Variants in CADPS observed in about 807,000 individuals in gnomAD.
The protein encoded by CADPS is calcium-dependent secretion activator 1.
Under a neutral mutation model 167.3 loss-of-function variants are expected in CADPS, and 57 were observed. That is an observed-to-expected ratio of 0.34 (90% CI 0.28 to 0.42). The LOEUF (loss-of-function observed/expected upper bound fraction) is 0.42, where lower values mean the gene tolerates loss of function less well. Ranked by LOEUF, CADPS falls within the 20% of genes least tolerant of loss-of-function variation. The pLI, the probability that CADPS is intolerant of heterozygous loss-of-function variation, is 1.00. For missense variants in CADPS, 1,414 were observed against 1,738.1 expected, an observed-to-expected ratio of 0.81 and a Z score of 3.32; for synonymous variants, 676 against 635.3, an observed-to-expected ratio of 1.06 and a Z score of -0.96.
At chr3:62,808,686 A>T (rs540221330) in intron 1 of CADPS, among the ~76,000 whole-genome samples, 43 of 151,894 alleles carry the variant, frequency 2.8e-4, no homozygotes, top group African/African-American at 8.2e-4. Context: ...TCCTTTCCTC[A>T]GTGTCCTTTC....
chr3:62,829,855 G>T (rs2074746667), intron 1 of CADPS, among the ~76,000 whole-genome samples: 2 of 152,310 alleles, frequency 1.3e-5, no homozygotes, highest in Non-Finnish European at 1.5e-5. Flanking sequence ...ATGGAGACAA[G>T]AGAAGTCAGA....
chr3:62,476,147 A>C (rs1159518627), intron 23 of CADPS, among the ~76,000 whole-genome samples: 1 of 152,180 alleles, frequency 6.6e-6, no homozygotes, highest in African/African-American at 2.4e-5. Flanking sequence ...TTGATGAATT[A>C]AATTTCTGGA....
At chr3:62,738,229 C>T (rs1384908441) in intron 3 of CADPS, among the ~76,000 whole-genome samples, 3 of 152,226 alleles carry the variant, frequency 2.0e-5, no homozygotes, top group Non-Finnish European at 4.4e-5. Flanking sequence ...AAAAGCAGTG[C>T]CTGCCCATTT....
intron 3 of CADPS, among the ~76,000 whole-genome samples, chr3:62,689,681 G>A (rs2078744189): frequency 6.6e-6 from 1 of 152,054 alleles, no homozygotes; most frequent in African/African-American, 2.4e-5. Context: ...ATTTCTTCCT[G>A]CCAAGTAACC....
chr3:62,501,421 A>G (rs2065749171), intron 17 of CADPS, among the ~76,000 whole-genome samples: 2 of 152,192 alleles, frequency 1.3e-5, no homozygotes, highest in Non-Finnish European at 2.9e-5. Flanking sequence ...GTAAATATGC[A>G]CAGGCTACTA....
Position 62,429,073 on chromosome 3 carries a change from G to T in CADPS, c.3777+9031C>A, listed in dbSNP as rs1412052005. ...ACCACTGAAATTTTTGAAATTCAGT[G>T]GTAATATCAGGAACTATCAGACTGC... On this transcript the variant is annotated intron_variant, in intron 28 of 29. Coordinates refer to ENST00000383710, the MANE Select transcript of CADPS (RefSeq NM_003716.4). 4.7e-3 allele frequency among the ~76,000 whole-genome samples: 712 copies of T among 152,282 alleles called. 6 individuals are homozygous for T. The highest frequency in any genetic ancestry group is 0.016 in the African/African-American group (645 of 41,560).
At chr3:62,845,422 T>A (rs2153066680) in intron 1 of CADPS, among the ~76,000 whole-genome samples, 2 of 152,292 alleles carry the variant, frequency 1.3e-5, no homozygotes, top group South Asian at 4.1e-4. Context: ...CCACTACCTC[T>A]AAAAAGGGGA....
At chr3:62,545,331 G>C (rs1057195399) in intron 11 of CADPS, among the ~76,000 whole-genome samples, 18 of 152,034 alleles carry the variant, frequency 1.2e-4, no homozygotes, top group Admixed American at 2.0e-4. Flanking sequence ...TCAATGAGAG[G>C]CCACTCAGCA....
Position 62,480,671 on chromosome 3 carries a change from A to C in CADPS, c.3173+1052T>G, listed in dbSNP as rs548529511. ...AAAACATCACTGCCAGTTTCAGACC[A>C]TTTTTTATTCCTTTGATAATAACAC... On this transcript the variant is annotated intron_variant, in intron 22 of 29. Transcript: ENST00000383710. Among the ~76,000 whole-genome samples the C allele has an allele frequency of 4.6e-5, 7 of 152,250 alleles. No homozygotes were observed. The East Asian group carries it at 1.2e-3, about 25-fold the overall frequency.
chr3:62,415,715 G>C (rs1461526108), intron 28 of CADPS, among the ~76,000 whole-genome samples: 1 of 152,100 alleles, frequency 6.6e-6, no homozygotes, highest in Non-Finnish European at 1.5e-5. Context: ...ACAACAGATT[G>C]AGCCTCGTAT....
At chr3:62,522,134 TATCTATC>T (rs2070789757) in intron 13 of CADPS, among the ~76,000 whole-genome samples, 1 of 151,838 alleles carries the variant, frequency 6.6e-6, no homozygotes, top group Non-Finnish European at 1.5e-5. Context: ...TCTATCTATC[TATCTATC>T]TATCTATCTA....
intron 1 of CADPS, among the ~76,000 whole-genome samples, chr3:62,847,483 G>A (rs2153081019): frequency 1.0e-5 from 1 of 96,292 alleles, no homozygotes; most frequent in South Asian, 4.6e-4. Context: ...CTGTGTCCAT[G>A]TGATCTCATT....
chr3:62,411,810 G>T (rs538541776), intron 28 of CADPS, among the ~76,000 whole-genome samples: 15 of 152,354 alleles, frequency 9.8e-5, no homozygotes, highest in African/African-American at 3.4e-4. Context: ...CAAGTTTCCA[G>T]ATTTGTCAAA....
At chr3:62,822,101 C>G (rs1457821986) in intron 1 of CADPS, among the ~76,000 whole-genome samples, 2 of 152,174 alleles carry the variant, frequency 1.3e-5, no homozygotes, top group African/African-American at 4.8e-5. Context: ...GGAGAAAATG[C>G]TCTTCTTTGA....
intron 10 of CADPS, among the ~76,000 whole-genome samples, chr3:62,554,396 T>C (rs1433788224): frequency 6.6e-6 from 1 of 152,138 alleles, no homozygotes; most frequent in East Asian, 1.9e-4. Context: ...GGCAACAATA[T>C]TAATTGCATC....
rs1705201916 is a variant in CADPS, at chr3:62,399,748, G to A, written c.3883-163C>T. ...ACTGTGCTTAGATTTCACTTGTATT[G>A]AAAACTGAGATCCTTTGAATGACAG... is the stretch of plus-strand genomic sequence containing the variant. On this transcript the variant is annotated intron_variant, in intron 29 of 29. Transcript: ENST00000383710. This position sits in a 1 kb window ranked among gnomAD's most constrained non-coding sequence, Gnocchi z 5.6. Among the ~76,000 whole-genome samples the A allele has an allele frequency of 6.6e-6, 1 of 152,164 alleles. No individual in the cohort carries two copies. Among genetic ancestry groups the A allele is most frequent in the Non-Finnish European group, 1.5e-5 (1 of 68,018 alleles).
chr3:62,651,077 G>A lies in CADPS; in HGVS notation c.973C>T (p.Arg325Cys), dbSNP rs768219996. ...LQMADQIARE[R>C]KFPKFVSKEM... The stretch of plus-strand genomic sequence containing the variant: ...TTGGATACAAACTTGGGAAATTTGC[G>A]TTCCTTGGGAAGAAAAAGAAAAGTA... The change falls in exon 5 of 30, where the codon CGC becomes TGC. Residue 325 changes from arginine to cysteine, a missense_variant. This residue lies in a region of CADPS where 522 missense variants were observed against 559.5 expected (regional missense o/e 0.93). Transcript: ENST00000383710. 2.5e-5 allele frequency: 40 copies of A among 1,609,552 alleles called. No homozygotes were observed. The highest frequency in any genetic ancestry group is 2.3e-4 in the Admixed American group (14 of 59,836).
chr3:62,559,823 C>G (rs1391371265), intron 9 of CADPS, among the ~76,000 whole-genome samples: 1 of 151,984 alleles, frequency 6.6e-6, no homozygotes, highest in African/African-American at 2.4e-5. Flanking sequence ...CATTTCTCAT[C>G]TGACAACATG....
intron 3 of CADPS, among the ~76,000 whole-genome samples, chr3:62,733,860 G>A (rs144941776): frequency 1.3e-3 from 191 of 152,188 alleles, no homozygotes; most frequent in African/African-American, 4.3e-3. Flanking sequence ...CCTTCCTCCA[G>A]AGTCCCCAAA....
Sources: gnomAD v4.1 joint callset for allele counts (sites outside exome capture counted in the v4.1 genomes callset) on GRCh38, gnomAD v4.1.1 for gene constraint, gnomAD v4.1.1 regional missense constraint, Gnocchi (gnomAD v3.1) non-coding constraint, MANE v1.5 for transcripts, NCBI Gene and HGNC (gene_info 2026-07-23, HGNC 2026-07-21) for gene names.